Variants in SYNE2 observed in about 807,000 individuals in gnomAD.
The protein encoded by SYNE2 is spectrin repeat containing nuclear envelope protein 2, also known as nesprin-2.
In SYNE2, 431 loss-of-function variants were observed where a neutral mutation model predicts 856.3. The observed-to-expected ratio is 0.50, with a 90% CI of 0.47 to 0.55. The LOEUF (loss-of-function observed/expected upper bound fraction) is 0.55, where lower values mean the gene tolerates loss of function less well. Ranked by LOEUF, SYNE2 falls within the 20% of genes least tolerant of loss-of-function variation. The probability of loss-of-function intolerance (pLI) is 0.00; values close to 1 mark genes in which losing one functional copy is unlikely to be tolerated. For missense variants in SYNE2, 8,129 were observed against 8,023.2 expected (o/e 1.01, Z -0.50); for synonymous variants, 2,923 against 2,872.3 (o/e 1.02, Z -0.56).
chr14:63,767,260 C>T (rs1288566089), intron 1 of SYNE2, among the ~76,000 whole-genome samples: 1 of 151,842 alleles, frequency 6.6e-6, no homozygotes, highest in African/African-American at 2.4e-5. Flanking sequence ...CGCCAGCCAA[C>T]ACGCCCAGTT....
At chr14:63,763,220 G>A (rs536456746) in intron 1 of SYNE2, among the ~76,000 whole-genome samples, 2 of 151,936 alleles carry the variant, frequency 1.3e-5, no homozygotes, top group East Asian at 2.0e-4. Context: ...CGCCTGCCTC[G>A]GCCTCCCAAA....
intron 7 of SYNE2, among the ~76,000 whole-genome samples, chr14:63,954,116 T>C (rs2096209001): frequency 6.6e-6 from 1 of 152,238 alleles, no homozygotes; most frequent in South Asian, 2.1e-4. Context: ...TAATATTCAT[T>C]GTATGTATAT....
In SYNE2 at chr14:64,137,196, G is replaced by GTTTGT. The variant is rs369391469; in HGVS notation, c.14647-571_14647-567dup. Among the ~76,000 whole-genome samples the GTTTGT allele has an allele frequency of 2.8e-3, 425 of 152,028 alleles. 2 individuals carry two copies. The highest frequency in any genetic ancestry group is 8.9e-3 in the African/African-American group (371 of 41,496). On this transcript the variant is annotated intron_variant, in intron 78 of 115. Transcript: ENST00000555002. ...AAAGTTGATTTGGGTTGGTTGGTTGGTTTGTTTTGTTTTGTTTTGTTTTGA... is the reference window on the plus strand; with the variant it reads ...AAAGTTGATTTGGGTTGGTTGGTTGGTTTGTTTTGTTTTGTTTTGTTTTGTTTTGA...
At position 64,165,321 on chromosome 14, in the gene SYNE2, C is replaced by G. The variant is rs2098368081; in HGVS notation, c.16516C>G (p.Leu5506Val). 1 of 1,613,800 alleles carries G rather than the reference C, an allele frequency of 6.2e-7. No individual in the cohort carries two copies. The highest frequency in any genetic ancestry group is 8.5e-7 in the Non-Finnish European group (1 of 1,179,904). Residue 5506 changes from leucine to valine, a missense_variant, in exon 90 of 116, where the codon CTG (leucine) becomes GTG (valine). Coordinates refer to ENST00000555002, the MANE Select transcript of SYNE2 (RefSeq NM_182914.3). ...ACAGTTTAAGGATTTTGGAGTCCGGCTGGAATCTTTAAAAGGTCTTATTAT... is the reference window on the plus strand; with the variant it reads ...ACAGTTTAAGGATTTTGGAGTCCGGGTGGAATCTTTAAAAGGTCTTATTAT... ...LSQFKDFGVR[L>V]ESLKGLIMHE... is the part of the protein sequence containing the mutation.
chr14:64,022,917 G>A, intron 38 of SYNE2, 54 bp downstream of exon 38: 1 of 917,422 alleles, frequency 1.1e-6, no homozygotes, highest in South Asian at 1.4e-5. Flanking sequence ...AAATACTGGA[G>A]GCATAGAACT....
At chr14:63,948,802 A>ATGTGTGTGTGTGTGTG (rs1158609856) in intron 6 of SYNE2, among the ~76,000 whole-genome samples, 1 of 107,362 alleles carries the variant, frequency 9.3e-6, no homozygotes, top group African/African-American at 3.6e-5. Context: ...ATATATATAT[A>ATGTGTGTGTGTGTGTG]TATATATATA....
At chr14:63,811,728 C>T (rs933466679) in intron 1 of SYNE2, among the ~76,000 whole-genome samples, 5 of 152,114 alleles carry the variant, frequency 3.3e-5, no homozygotes, top group Non-Finnish European at 7.4e-5. Context: ...TACAGCTAGG[C>T]TTCCGGGGGT....
intron 89 of SYNE2, among the ~76,000 whole-genome samples, chr14:64,164,140 C>T (rs561953443): frequency 2.1e-5 from 3 of 140,798 alleles, no homozygotes; most frequent in East Asian, 2.1e-4. Flanking sequence ...TGAGATGTCT[C>T]GTTCTGTCGC....
intron 77 of SYNE2, among the ~76,000 whole-genome samples, chr14:64,132,862 A>G (rs2098036881): frequency 6.6e-6 from 1 of 152,194 alleles, no homozygotes. Flanking sequence ...GTTTTGAGGC[A>G]TTCCCCTCAC....
At chr14:64,162,407 T>C (rs1044813148) in intron 88 of SYNE2, 131 bp downstream of exon 88, 15 of 979,104 alleles carry the variant, frequency 1.5e-5, no homozygotes, top group Non-Finnish European at 2.4e-5. Context: ...GAACTTGCCA[T>C]GTAGGACATA....
intron 99 of SYNE2, chr14:64,202,172 C>A (rs188418632): frequency 1.4e-6 from 1 of 702,134 alleles, no homozygotes; most frequent in Non-Finnish European, 2.6e-6. Context: ...ATTTCCTTTG[C>A]CCCCTCCCTT....
chr14:63,960,629 T>C (rs1160075107), intron 8 of SYNE2: 2 of 594,670 alleles, frequency 3.4e-6, no homozygotes, highest in East Asian at 2.8e-5. Flanking sequence ...TCCAATAATC[T>C]TCATTGCTTG....
At chr14:64,113,103 G>C (rs376637871) in intron 65 of SYNE2, 11 of 985,368 alleles carry the variant, frequency 1.1e-5, no homozygotes, top group Non-Finnish European at 1.3e-5. Context: ...GCCTGTTTGC[G>C]TCCTCTGTGC....
At chr14:64,132,133 A>C in intron 76 of SYNE2, 132 bp from the exon 77 acceptor site, 2 of 1,068,052 alleles carry the variant, frequency 1.9e-6, no homozygotes, top group Non-Finnish European at 2.7e-6. Flanking sequence ...AGGCTGGTCA[A>C]TTTGACTCTA....
intron 2 of SYNE2, among the ~76,000 whole-genome samples, chr14:63,937,630 G>A (rs2095849676): frequency 6.6e-6 from 1 of 152,176 alleles, no homozygotes; most frequent in Non-Finnish European, 1.5e-5. Flanking sequence ...GTTGCCATCT[G>A]GGGACAGGGA....
chr14:64,094,358 TA>T (rs941573808), intron 61 of SYNE2, among the ~76,000 whole-genome samples: 4 of 150,796 alleles, frequency 2.7e-5, no homozygotes, highest in East Asian at 2.0e-4. Flanking sequence ...AAATAAAAAA[TA>T]AAAAAACAGT....
chr14:63,942,568 TCACTG>T (rs377602474), intron 6 of SYNE2, among the ~76,000 whole-genome samples: 6 of 152,034 alleles, frequency 3.9e-5, no homozygotes, highest in African/African-American at 1.5e-4. Context: ...CAGTCTTGGC[TCACTG>T]CAACTTCCAC....
intron 2 of SYNE2, among the ~76,000 whole-genome samples, chr14:63,925,781 A>C (rs1034528087): frequency 1.3e-5 from 2 of 152,116 alleles, no homozygotes; most frequent in Non-Finnish European, 2.9e-5. Context: ...TTCTGTGCCT[A>C]GGTTATTTCA....
intron 35 of SYNE2, among the ~76,000 whole-genome samples, chr14:64,020,867 C>G (rs1315325533): frequency 6.6e-6 from 1 of 151,986 alleles, no homozygotes. Flanking sequence ...TACCTACTAG[C>G]TTTATAATCT....
Sources: allele counts gnomAD v4.1 joint callset (sites outside exome capture counted in the v4.1 genomes callset), GRCh38; gene constraint gnomAD v4.1.1; transcripts MANE v1.5; gene names NCBI Gene and HGNC (gene_info 2026-07-23, HGNC 2026-07-21).